ISM1: variants seen among roughly 807,000 people sequenced by gnomAD.
ISM1 encodes isthmin 1, also known as isthmin-1.
ISM1 carries 25 observed loss-of-function variants against 46.3 expected under a neutral mutation model. The observed-to-expected ratio is 0.54, with a 90% CI of 0.39 to 0.75. The LOEUF (loss-of-function observed/expected upper bound fraction) is 0.75. Ranked by LOEUF, ISM1 falls within the 30% of genes least tolerant of loss-of-function variation. ISM1 has a pLI of 0.00. For missense variants in ISM1, 536 were observed against 625.4 expected, an observed-to-expected ratio of 0.86 and a Z score of 1.52; for synonymous variants, 255 against 256.7, an observed-to-expected ratio of 0.99 and a Z score of 0.06.
intron 2 of ISM1, among the ~76,000 whole-genome samples, chr20:13,271,529 T>C (rs953715167): frequency 2.1e-4 from 32 of 152,208 alleles, no homozygotes; most frequent in African/African-American, 7.5e-4. Context: ...TCTAATACTA[T>C]TGGTAATGCA....
Position 13,279,661 on chromosome 20 carries a change from G to C in ISM1, c.406G>C (p.Asp136His), listed in dbSNP as rs1421463937. The C allele has an allele frequency of 6.2e-7, 1 of 1,613,858 alleles. No individual in the cohort carries two copies. Among genetic ancestry groups the C allele is most frequent in the South Asian group, 1.1e-5 (1 of 91,054 alleles). Residue 136 changes from aspartate (D) to histidine (H), a missense_variant, in exon 3 of 6, where the codon GAC becomes CAC. By Grantham distance (81) the Asp-to-His change is moderately conservative (BLOSUM62 -1). Transcript: ENST00000262487. ...QVTIEVVDGP[D>H]SEADKDQHPE... ...CACCATAGAGGTGGTCGACGGTCCTGACTCTGAAGCAGATAAAGATCAGCA... is the reference window on the plus strand; with the variant it reads ...CACCATAGAGGTGGTCGACGGTCCTCACTCTGAAGCAGATAAAGATCAGCA...
chr20:13,306,838 G>A, the ISM1 span, among the ~76,000 whole-genome samples: 30 of 152,102 alleles, frequency 2.0e-4, no homozygotes, highest in Non-Finnish European at 3.5e-4. Context: ...GGGGACTCTG[G>A]TCAAGAAAGA....
At chr20:13,303,582 C>A (rs2040476439), downstream of ISM1, among the ~76,000 whole-genome samples, 1 of 152,190 alleles carries the variant, frequency 6.6e-6, no homozygotes, top group Non-Finnish European at 1.5e-5. Flanking sequence ...ACCTGGCATG[C>A]ATAGTCAGGC....
At chr20:13,264,166 G>A (rs755636603) in intron 1 of ISM1, among the ~76,000 whole-genome samples, 6 of 152,214 alleles carry the variant, frequency 3.9e-5, no homozygotes, top group Non-Finnish European at 5.9e-5. Flanking sequence ...GGAGACTGAA[G>A]ACAGGGCCTG....
intron 1 of ISM1, among the ~76,000 whole-genome samples, chr20:13,268,354 CTCTCTCTCT>C: frequency 1.7e-4 from 1 of 5,842 alleles, no homozygotes; most frequent in African/African-American, 2.7e-3. Context: ...CTTCCTCTCT[CTCTCTCTCT>C]CTCTCTCTCT....
intron 1 of ISM1, among the ~76,000 whole-genome samples, chr20:13,226,940 T>C (rs890262718): frequency 6.6e-6 from 1 of 152,180 alleles, no homozygotes; most frequent in Non-Finnish European, 1.5e-5. Flanking sequence ...GGAGGAATCA[T>C]AGGCATCTTT....
intron 1 of ISM1, among the ~76,000 whole-genome samples, chr20:13,249,612 G>A (rs981171321): frequency 2.0e-5 from 3 of 152,196 alleles, no homozygotes; most frequent in African/African-American, 7.2e-5. Flanking sequence ...TTACACCACA[G>A]TCATAAAGTT....
downstream of ISM1, among the ~76,000 whole-genome samples, chr20:13,304,133 G>C (rs1332458171): frequency 6.6e-6 from 1 of 152,174 alleles, no homozygotes; most frequent in East Asian, 1.9e-4. Context: ...GTTTTTTGTA[G>C]GTTCAGCAGT....
the ISM1 span, among the ~76,000 whole-genome samples, chr20:13,308,816 T>C: frequency 6.6e-6 from 1 of 152,010 alleles, no homozygotes. Flanking sequence ...GGTTATTAGG[T>C]CATGAGGGTG....
intron 4 of ISM1, among the ~76,000 whole-genome samples, chr20:13,292,083 T>G (rs757039647): frequency 3.3e-5 from 5 of 152,196 alleles, no homozygotes; most frequent in African/African-American, 4.8e-5. Context: ...CATCCTGACA[T>G]GTGTCCCCCA....
At chr20:13,265,593 C>G (rs1258300755) in intron 1 of ISM1, among the ~76,000 whole-genome samples, 3 of 152,156 alleles carry the variant, frequency 2.0e-5, no homozygotes, top group African/African-American at 7.2e-5. Context: ...TGTGCCTTCC[C>G]CGCCCAAGCT....
intron 1 of ISM1, among the ~76,000 whole-genome samples, chr20:13,265,226 G>A (rs888495120): frequency 1.3e-5 from 2 of 152,116 alleles, no homozygotes; most frequent in African/African-American, 4.8e-5. Context: ...CCAGCTCCCT[G>A]TTCTCTTAAC....
At chr20:13,231,685 C>A (rs1449348968) in intron 1 of ISM1, among the ~76,000 whole-genome samples, 3 of 152,186 alleles carry the variant, frequency 2.0e-5, no homozygotes, top group African/African-American at 7.2e-5. Context: ...TCATCTTGCA[C>A]AGAGCACTCT....
At chr20:13,303,686 A>C (rs1272198546), downstream of ISM1, among the ~76,000 whole-genome samples, 2 of 152,212 alleles carry the variant, frequency 1.3e-5, no homozygotes, top group Non-Finnish European at 2.9e-5. Flanking sequence ...CAGACAAGTT[A>C]ATACATTGGC....
chr20:13,283,774 A>G (rs1018026364), intron 3 of ISM1, among the ~76,000 whole-genome samples: 1 of 152,220 alleles, frequency 6.6e-6, no homozygotes, highest in Admixed American at 6.5e-5. Flanking sequence ...TTACATAGGT[A>G]CTGCTTATTG....
chr20:13,318,747 A>T, the ISM1 span, among the ~76,000 whole-genome samples: 1 of 152,198 alleles, frequency 6.6e-6, no homozygotes, highest in Non-Finnish European at 1.5e-5. Flanking sequence ...TTTGAAACTC[A>T]GTGAAAAAAG....
the ISM1 span, among the ~76,000 whole-genome samples, chr20:13,310,173 C>G: frequency 2.0e-5 from 3 of 152,116 alleles, no homozygotes; most frequent in African/African-American, 7.2e-5. Flanking sequence ...AAGTATAACA[C>G]TATATGTCAA....
intron 1 of ISM1, among the ~76,000 whole-genome samples, chr20:13,269,924 T>C (rs959617468): frequency 1.2e-4 from 12 of 101,438 alleles, no homozygotes; most frequent in African/African-American, 4.7e-4. Context: ...TGGATGGGTG[T>C]GTGGGTGGAA....
At chr20:13,249,649 G>C (rs1219679498) in intron 1 of ISM1, among the ~76,000 whole-genome samples, 1 of 152,216 alleles carries the variant, frequency 6.6e-6, no homozygotes, top group Non-Finnish European at 1.5e-5. Context: ...GTGGAATGCT[G>C]CTGAATTGGC....
Sources: allele counts gnomAD v4.1 joint callset (sites outside exome capture counted in the v4.1 genomes callset), GRCh38; gene constraint gnomAD v4.1.1; transcripts MANE v1.5; gene names NCBI Gene and HGNC (gene_info 2026-07-23, HGNC 2026-07-21).